Variants in GBE1 observed in about 807,000 individuals in gnomAD.
GBE1 encodes the protein 1,4-alpha-glucan-branching enzyme.
A neutral mutation model predicts 88.8 loss-of-function variants in GBE1; 70 were observed. That is an observed-to-expected ratio of 0.79 (90% CI 0.65 to 0.96). GBE1 has a LOEUF of 0.96. Among genes scored for constraint, GBE1 ranks in the 40% least tolerant of loss-of-function variants. GBE1 has a pLI of 0.00. For synonymous variants in GBE1, 284 were observed against 300.1 expected (o/e 0.95, Z 0.56); for missense variants, 872 against 871.0 (o/e 1.00, Z -0.01).
intron 2 of GBE1, among the ~76,000 whole-genome samples, chr3:81,699,765 ACT>A (rs1705660337): frequency 1.3e-5 from 2 of 152,096 alleles, no homozygotes; most frequent in South Asian, 4.1e-4. Flanking sequence ...CAGTCCACTG[ACT>A]CAAATGTTAA....
chr3:81,600,271 A>C (rs1445546932), intron 7 of GBE1, among the ~76,000 whole-genome samples: 1 of 152,102 alleles, frequency 6.6e-6, no homozygotes, highest in African/African-American at 2.4e-5. Flanking sequence ...AAAACAAATA[A>C]ATAAATAAAT....
intron 1 of GBE1, chr3:81,743,773 T>C (rs1031202063): frequency 3.7e-6 from 2 of 545,272 alleles, no homozygotes; most frequent in Admixed American, 3.6e-5. Context: ...AGGACGGACA[T>C]GATGCATTTA....
chr3:81,689,414 C>A (rs1705486572), intron 2 of GBE1, among the ~76,000 whole-genome samples: 1 of 152,114 alleles, frequency 6.6e-6, no homozygotes, highest in Admixed American at 6.5e-5. Context: ...AGGGCAATTC[C>A]GTTAAAATAA....
chr3:81,654,346 T>C (rs1004619936), intron 3 of GBE1, among the ~76,000 whole-genome samples: 1 of 152,024 alleles, frequency 6.6e-6, no homozygotes, highest in East Asian at 1.9e-4. Flanking sequence ...TGTGTGTTCA[T>C]TCATGCTTGG....
chr3:81,560,279 C>T (rs989655374), intron 12 of GBE1, among the ~76,000 whole-genome samples: 17 of 151,836 alleles, frequency 1.1e-4, no homozygotes, highest in African/African-American at 3.9e-4. Context: ...AGTCATAGCA[C>T]TTTAAAATAA....
chr3:81,531,186 T>C (rs1227091513), intron 14 of GBE1, among the ~76,000 whole-genome samples: 1 of 151,866 alleles, frequency 6.6e-6, no homozygotes. Flanking sequence ...CAGCAGTTGG[T>C]GAATCGTGCC....
At chr3:81,735,493 G>A (rs1007650134) in intron 1 of GBE1, among the ~76,000 whole-genome samples, 2 of 152,148 alleles carry the variant, frequency 1.3e-5, no homozygotes, top group Non-Finnish European at 2.9e-5. Flanking sequence ...TTCAGGAAGT[G>A]GGAAAATCAC....
chr3:81,518,642 T>A (rs116735052), intron 14 of GBE1, among the ~76,000 whole-genome samples: 2 of 151,248 alleles, frequency 1.3e-5, no homozygotes, highest in Non-Finnish European at 3.0e-5. Context: ...TGTTTAGCAA[T>A]GAAAAAATGA....
intron 2 of GBE1, among the ~76,000 whole-genome samples, chr3:81,680,748 G>T (rs957982576): frequency 6.6e-6 from 1 of 152,090 alleles, no homozygotes; most frequent in Non-Finnish European, 1.5e-5. Context: ...AAATCATGAA[G>T]GAAAGCCCTC....
chr3:81,631,407 C>A (rs547559470), intron 7 of GBE1, among the ~76,000 whole-genome samples: 1 of 151,848 alleles, frequency 6.6e-6, no homozygotes. Flanking sequence ...CACAGTAGAC[C>A]GGTAACTTTA....
intron 6 of GBE1, among the ~76,000 whole-genome samples, chr3:81,643,645 C>A (rs1055009245): frequency 2.0e-5 from 3 of 152,166 alleles, no homozygotes; most frequent in Non-Finnish European, 4.4e-5. Context: ...ACAGCATCAA[C>A]TTTGCCCTTT....
chr3:81,566,900 C>A (rs546418037), intron 12 of GBE1, among the ~76,000 whole-genome samples: 11 of 152,136 alleles, frequency 7.2e-5, no homozygotes, highest in African/African-American at 2.7e-4. Context: ...GCTCTCACCA[C>A]GGAATCATCC....
chr3:81,728,531 G>T (rs1351684210), intron 1 of GBE1, among the ~76,000 whole-genome samples: 1 of 152,142 alleles, frequency 6.6e-6, no homozygotes, highest in Non-Finnish European at 1.5e-5. Flanking sequence ...AGTAAATGTG[G>T]CTAGCAGTGG....
intron 1 of GBE1, among the ~76,000 whole-genome samples, chr3:81,756,769 G>A (rs1016336214): frequency 6.6e-6 from 1 of 152,150 alleles, no homozygotes; most frequent in African/African-American, 2.4e-5. Context: ...TTAGGCAGAA[G>A]CAATAGCATG....
intron 1 of GBE1, among the ~76,000 whole-genome samples, chr3:81,730,684 T>A (rs1706174204): frequency 6.6e-6 from 1 of 152,102 alleles, no homozygotes; most frequent in African/African-American, 2.4e-5. Flanking sequence ...CTAGTTTCAG[T>A]AAAGGAAAAC....
chr3:81,642,376 C>A (rs1704696082), intron 7 of GBE1, among the ~76,000 whole-genome samples: 2 of 151,888 alleles, frequency 1.3e-5, no homozygotes, highest in African/African-American at 4.8e-5. Flanking sequence ...GTAATCAAAA[C>A]CATGTAATTT....
At chr3:81,630,256 A>T (rs1704487971) in intron 7 of GBE1, among the ~76,000 whole-genome samples, 1 of 152,148 alleles carries the variant, frequency 6.6e-6, no homozygotes, top group Non-Finnish European at 1.5e-5. Flanking sequence ...CCACTACTCA[A>T]TGAAATAAAA....
At chr3:81,741,866 TAA>T (rs1706354501) in intron 1 of GBE1, among the ~76,000 whole-genome samples, 1 of 147,674 alleles carries the variant, frequency 6.8e-6, no homozygotes. Context: ...TTTTTATATA[TAA>T]TATATAATAT....
At chr3:81,583,693 C>T (rs115540063) in intron 10 of GBE1, among the ~76,000 whole-genome samples, 73 of 151,886 alleles carry the variant, frequency 4.8e-4, no homozygotes, top group African/African-American at 1.6e-3. Flanking sequence ...TTTGAAATGA[C>T]GAAATTATAG....
Sources: gnomAD v4.1 joint callset for allele counts (sites outside exome capture counted in the v4.1 genomes callset) on GRCh38, gnomAD v4.1.1 for gene constraint, MANE v1.5 for transcripts, NCBI Gene and HGNC (gene_info 2026-07-23, HGNC 2026-07-21) for gene names.